NRG3: variants seen among roughly 807,000 people sequenced by gnomAD.
NRG3 encodes the protein pro-neuregulin-3, membrane-bound isoform.
Under a neutral mutation model 66.9 loss-of-function variants are expected in NRG3, and 31 were observed. The ratio of observed to expected loss-of-function variants is 0.46; its 90% CI spans 0.35 to 0.63. NRG3 has a LOEUF of 0.63. Ranked by LOEUF, NRG3 falls within the 20% of genes least tolerant of loss-of-function variation. NRG3 has a pLI of 0.00. For synonymous variants in NRG3, 393 were observed against 359.4 expected (o/e 1.09, Z -1.06); for missense variants, 910 against 878.9 (o/e 1.04, Z -0.45).
chr10:82,168,643 C>T (rs564060032), intron 1 of NRG3, among the ~76,000 whole-genome samples: 1 of 152,152 alleles, frequency 6.6e-6, no homozygotes, highest in South Asian at 2.1e-4. Context: ...TCTGATTTAC[C>T]CTTTGCAGGG....
At chr10:81,946,301 G>A (rs368908823) in intron 1 of NRG3, among the ~76,000 whole-genome samples, 5 of 152,120 alleles carry the variant, frequency 3.3e-5, no homozygotes, top group East Asian at 1.9e-4. Flanking sequence ...ACAGGCATAC[G>A]CCCAGCCAAT....
chr10:82,381,896 G>T (rs549822791), intron 2 of NRG3, among the ~76,000 whole-genome samples: 1 of 152,078 alleles, frequency 6.6e-6, no homozygotes, highest in Non-Finnish European at 1.5e-5. Context: ...TGCTTATCAC[G>T]TGAGTTTTTG....
chr10:82,869,830 G>C (rs986351412), intron 4 of NRG3, among the ~76,000 whole-genome samples: 1 of 151,634 alleles, frequency 6.6e-6, no homozygotes, highest in Non-Finnish European at 1.5e-5. Context: ...GGATGGTCTC[G>C]ATCTCCTGAC....
chr10:82,409,968 G>T (rs1590031456), intron 2 of NRG3, among the ~76,000 whole-genome samples: 1 of 152,102 alleles, frequency 6.6e-6, no homozygotes, highest in Non-Finnish European at 1.5e-5. Context: ...TTCCCACCCT[G>T]AGCAAGCGCC....
intron 2 of NRG3, among the ~76,000 whole-genome samples, chr10:82,698,398 G>A (rs1022755335): frequency 6.6e-6 from 1 of 152,026 alleles, no homozygotes; most frequent in East Asian, 1.9e-4. Flanking sequence ...AATCTTAACA[G>A]GGGAAAAAGT....
At chr10:82,636,870 T>C (rs2050236397) in intron 2 of NRG3, among the ~76,000 whole-genome samples, 1 of 150,510 alleles carries the variant, frequency 6.6e-6, no homozygotes, top group South Asian at 2.1e-4. Context: ...GTGTGTGTGT[T>C]TGAGATAGAG....
chr10:82,461,902 G>GC (rs1285644328), intron 2 of NRG3, among the ~76,000 whole-genome samples: 1 of 152,098 alleles, frequency 6.6e-6, no homozygotes, highest in Non-Finnish European at 1.5e-5. Context: ...AGGCTGAGGT[G>GC]GGTGGATCAC....
chr10:82,064,724 A>G (rs1466410992), intron 1 of NRG3, among the ~76,000 whole-genome samples: 1 of 152,198 alleles, frequency 6.6e-6, no homozygotes. Context: ...GTAAGTGCTG[A>G]TGGAAGGGGT....
chr10:81,878,033 C>T (rs940716620), intron 1 of NRG3: 3 of 1,537,344 alleles, frequency 2.0e-6, no homozygotes, highest in Non-Finnish European at 2.6e-6. Context: ...AGGGGTATTT[C>T]ATGTTCTTTC....
At chr10:82,193,971 G>A (rs746306655) in intron 1 of NRG3, among the ~76,000 whole-genome samples, 2 of 152,156 alleles carry the variant, frequency 1.3e-5, no homozygotes, top group African/African-American at 2.4e-5. Flanking sequence ...ACATTTAGAG[G>A]TTCCACAGCG....
Position 82,973,832 on chromosome 10 carries a change from G to T in NRG3, c.1329G>T (p.Met443Ile), listed in dbSNP as rs552349442. Residue 443 changes from methionine (M) to isoleucine (I), a missense_variant, in exon 7 of 9, where the codon ATG (methionine) becomes ATT (isoleucine). Transcript: ENST00000372141. ...ATCCTGTGACTGCATTGGAGAAAAT[G>T]ATGGAGTCAAGTTTTGTCGGCCCCC... ...ERHPVTALEK[M>I]MESSFVGPQS... 9.9e-6 allele frequency: 16 copies of T among 1,613,848 alleles called. No individual in the cohort carries two copies. The highest frequency in any genetic ancestry group is 3.3e-5 in the South Asian group (3 of 91,090).
intron 1 of NRG3, among the ~76,000 whole-genome samples, chr10:82,197,727 TAGA>T (rs557487840): frequency 9.2e-5 from 14 of 152,208 alleles, no homozygotes; most frequent in Non-Finnish European, 1.8e-4. Flanking sequence ...AAGATAATAC[TAGA>T]AGAAGTGAGG....
rs898184911 is a variant in NRG3, at chr10:82,165,715, G to A, written c.824-193024G>A. On this transcript the variant is annotated intron_variant, in intron 1 of 8. Transcript: ENST00000372141. ...GAGTTTCTTTTTTTTGAGAGGGGGC[G>A]TGACAGAGGAATGTACAGGAGACTT... Among the ~76,000 whole-genome samples the A allele has an allele frequency of 6.6e-5, 10 of 151,610 alleles. 1 individual carries two copies. Among genetic ancestry groups the A allele is most frequent in the South Asian group, 4.2e-4 (2 of 4,818 alleles).
intron 1 of NRG3, among the ~76,000 whole-genome samples, chr10:82,120,293 C>T (rs184316477): frequency 3.2e-3 from 487 of 152,174 alleles, no homozygotes; most frequent in Non-Finnish European, 5.0e-3. Context: ...AGCCTTGTAA[C>T]GACAGGAGAC....
intron 2 of NRG3, among the ~76,000 whole-genome samples, chr10:82,377,463 A>C (rs7075307): frequency 0.41 from 61,910 of 151,176 alleles, 15,700 homozygotes; most frequent in African/African-American, 0.71. Context: ...TGTGTGCGCG[A>C]GCGCACATGC....
At chr10:82,423,250 T>G (rs926707823) in intron 2 of NRG3, among the ~76,000 whole-genome samples, 1 of 151,976 alleles carries the variant, frequency 6.6e-6, no homozygotes, top group African/African-American at 2.4e-5. Flanking sequence ...ATTTTATTAA[T>G]AAACCACCAT....
intron 1 of NRG3, among the ~76,000 whole-genome samples, chr10:82,291,324 G>C (rs546875157): frequency 6.6e-6 from 1 of 152,230 alleles, no homozygotes; most frequent in Non-Finnish European, 1.5e-5. Flanking sequence ...ATTTAAAAAT[G>C]CTGACAAAAG....
intron 1 of NRG3, among the ~76,000 whole-genome samples, chr10:81,982,760 G>A (rs1233565610): frequency 6.6e-6 from 1 of 152,106 alleles, no homozygotes. Flanking sequence ...CACCCTAAGA[G>A]CCTCATTTTT....
intron 1 of NRG3, among the ~76,000 whole-genome samples, chr10:82,096,203 A>G (rs4933828): frequency 0.76 from 115,037 of 152,122 alleles, 43,592 homozygotes; most frequent in Non-Finnish European, 0.79. Context: ...ATGGCTGGGC[A>G]CAGTGGCTCA....
Sources: allele counts gnomAD v4.1 joint callset (sites outside exome capture counted in the v4.1 genomes callset), GRCh38; gene constraint gnomAD v4.1.1; transcripts MANE v1.5; gene names NCBI Gene and HGNC (gene_info 2026-07-23, HGNC 2026-07-21).